The following NBEA variants were observed in gnomAD, a reference collection of about 807,000 sequenced individuals.
The protein encoded by NBEA is neurobeachin.
A neutral mutation model predicts 343.4 loss-of-function variants in NBEA; 44 were observed. The ratio of observed to expected loss-of-function variants is 0.13; its 90% confidence interval spans 0.10 to 0.16. The LOEUF (loss-of-function observed/expected upper bound fraction) is 0.16, where lower values mean the gene tolerates loss of function less well. NBEA is among the 10% of genes least tolerant of loss of function. The pLI, the probability that NBEA is intolerant of heterozygous loss-of-function variation, is 1.00. For synonymous variants in NBEA, 1,175 were observed against 1,238.7 expected, an observed-to-expected ratio of 0.95 and a Z score of 1.08; for missense variants, 2,555 against 3,631.3, an observed-to-expected ratio of 0.70 and a Z score of 7.62.
intron 46 of NBEA, among the ~76,000 whole-genome samples, chr13:35,589,557 A>G (rs1054485812): frequency 3.9e-5 from 6 of 152,146 alleles, no homozygotes; most frequent in African/African-American, 1.4e-4. Flanking sequence ...GAAGAGAAGG[A>G]AAAGAAGAAC....
intron 49 of NBEA, among the ~76,000 whole-genome samples, chr13:35,636,257 A>G (rs1029859844): frequency 6.6e-6 from 1 of 152,206 alleles, no homozygotes; most frequent in Non-Finnish European, 1.5e-5. Flanking sequence ...TTAGATATTT[A>G]GAACTCATTT....
At chr13:35,298,345 A>G (rs1018424654) in intron 35 of NBEA, among the ~76,000 whole-genome samples, 8 of 150,844 alleles carry the variant, frequency 5.3e-5, no homozygotes, top group African/African-American at 1.9e-4. Flanking sequence ...AATGGCAGCT[A>G]ATTATGTGTC....
intron 38 of NBEA, among the ~76,000 whole-genome samples, chr13:35,361,450 CT>C (rs1321783436): frequency 6.6e-6 from 1 of 152,068 alleles, no homozygotes; most frequent in Admixed American, 6.6e-5. Flanking sequence ...AAATGATAAT[CT>C]TTTCAGCAAA....
At chr13:35,554,328 C>G (rs2079482016) in intron 43 of NBEA, among the ~76,000 whole-genome samples, 1 of 152,120 alleles carries the variant, frequency 6.6e-6, no homozygotes, top group Non-Finnish European at 1.5e-5. Flanking sequence ...GTAGCTTTAT[C>G]ATACTTTTCT....
intron 22 of NBEA, among the ~76,000 whole-genome samples, chr13:35,161,007 C>T (rs2069515688): frequency 6.6e-6 from 1 of 152,114 alleles, no homozygotes; most frequent in African/African-American, 2.4e-5. Flanking sequence ...CTTTGTACTC[C>T]AGTAAGAATC....
intron 1 of NBEA, among the ~76,000 whole-genome samples, chr13:34,973,232 G>A (rs2060056246): frequency 1.3e-5 from 2 of 151,882 alleles, no homozygotes; most frequent in African/African-American, 4.8e-5. Context: ...TGTAGGAGGT[G>A]GCTGGAGATC....
At chr13:35,309,917 A>C (rs1264701659) in intron 36 of NBEA, among the ~76,000 whole-genome samples, 1 of 152,150 alleles carries the variant, frequency 6.6e-6, no homozygotes, top group African/African-American at 2.4e-5. Context: ...CTGTTTTCAG[A>C]GCAGTGCTCA....
chr13:35,357,494 A>T (rs1283533245), intron 38 of NBEA, among the ~76,000 whole-genome samples: 1 of 151,588 alleles, frequency 6.6e-6, no homozygotes. Context: ...GTTCCCCTCT[A>T]TATGTCCATG....
In NBEA at chr13:35,186,168, G is replaced by C. The variant is rs553615362; in HGVS notation, c.4927+2097G>C. ...AAAATTAAAAAATTAACCAGGCATG[G>C]TGGCATGTGCCTGTAGTCCCAGCTA... On this transcript the variant is annotated intron_variant, in intron 30 of 58. Coordinates refer to ENST00000379939, the MANE Select transcript of NBEA (RefSeq NM_001385012.1). 2.0e-5 allele frequency: 3 copies of C among 152,268 alleles called. No homozygotes were observed. The South Asian group carries it at 6.2e-4, about 32-fold the overall frequency. 9.4% of individuals were successfully genotyped at this position (152,268 alleles called of 1,614,324 possible).
At chr13:35,287,209 A>G (rs1201538764) in intron 34 of NBEA, among the ~76,000 whole-genome samples, 1 of 151,968 alleles carries the variant, frequency 6.6e-6, no homozygotes, top group Non-Finnish European at 1.5e-5. Context: ...TCTGGTTAGA[A>G]TATTTATTCC....
chr13:35,031,242 T>A (rs941591188), intron 1 of NBEA, among the ~76,000 whole-genome samples: 4 of 151,684 alleles, frequency 2.6e-5, no homozygotes, highest in Admixed American at 6.6e-5. Flanking sequence ...TTTTCTGAGT[T>A]ACCAATCACT....
intron 34 of NBEA, among the ~76,000 whole-genome samples, chr13:35,260,714 G>T (rs1225474029): frequency 6.6e-6 from 1 of 152,172 alleles, no homozygotes; most frequent in African/African-American, 2.4e-5. Context: ...AATTCCACAA[G>T]ACTGGGTAAA....
At position 35,090,456 on chromosome 13, in the gene NBEA, T is replaced by C. The variant is rs78601734; in HGVS notation, c.1572-7841T>C. Among the ~76,000 whole-genome samples the C allele has an allele frequency of 8.7e-3, 1,330 of 152,106 alleles. 23 individuals are homozygous for C. Among genetic ancestry groups the C allele is most frequent in the African/African-American group, 0.03 (1,255 of 41,514 alleles). On this transcript the variant is annotated intron_variant, in intron 10 of 58. Transcript: ENST00000379939. The stretch of plus-strand genomic sequence containing the variant: ...TTAATAACAAACATTGTCTCTAGCA[T>C]ACTTGGTTTCTTAGCTGGTAAAATT...
chr13:35,439,841 A>G (rs922411834), intron 39 of NBEA, among the ~76,000 whole-genome samples: 1 of 151,914 alleles, frequency 6.6e-6, no homozygotes, highest in African/African-American at 2.4e-5. Context: ...CTTATTACTC[A>G]GTTGCTATTT....
chr13:35,507,684 T>A (rs187156483), intron 41 of NBEA, among the ~76,000 whole-genome samples: 2 of 152,196 alleles, frequency 1.3e-5, no homozygotes, highest in African/African-American at 4.8e-5. Flanking sequence ...CAAGTCACAT[T>A]ATCTCTACTT....
intron 4 of NBEA, among the ~76,000 whole-genome samples, chr13:35,046,699 A>G (rs1367760794): frequency 6.6e-6 from 1 of 152,140 alleles, no homozygotes; most frequent in Non-Finnish European, 1.5e-5. Context: ...AACTTTTGTG[A>G]GTGTTGTGTC....
chr13:35,212,298 A>C (rs192883510), intron 33 of NBEA, among the ~76,000 whole-genome samples: 15 of 152,208 alleles, frequency 9.9e-5, no homozygotes, highest in Non-Finnish European at 1.9e-4. Context: ...TTTGTTCAAC[A>C]TTATTTTTAT....
At position 35,196,063 on chromosome 13, in the gene NBEA, C is replaced by T. The variant is rs370491859; in HGVS notation, c.5127C>T (p.Ser1709=). 2.4e-5 allele frequency: 38 copies of T among 1,613,420 alleles called. No homozygotes were observed. The highest frequency in any genetic ancestry group is 3.3e-4 in the Middle Eastern group (2 of 6,082). ...GTGAACTCTTATCCACTTTGTCATCCGAAGTGAAGAAATCACAAGAGAGCT... is the reference window on the plus strand; with the variant it reads ...GTGAACTCTTATCCACTTTGTCATCTGAAGTGAAGAAATCACAAGAGAGCT... ...AMSELLSTLS[S]EVKKSQESLT... Residue 1709 remains serine (S), a synonymous_variant, in exon 31 of 59, where the codon TCC becomes TCT. Coordinates refer to ENST00000379939, the MANE Select transcript of NBEA (RefSeq NM_001385012.1).
Position 35,293,146 on chromosome 13 carries a change from G to A in NBEA, c.5838+2696G>A, listed in dbSNP as rs79169337. ...TGCCCAAAATATGGTCTAAATTTACGTGAGATCATATTACAAGTGTCTGAA... is the reference window on the plus strand; with the variant it reads ...TGCCCAAAATATGGTCTAAATTTACATGAGATCATATTACAAGTGTCTGAA... On this transcript the variant is annotated intron_variant, in intron 35 of 58. Transcript: ENST00000379939. 1.5e-3 allele frequency among the ~76,000 whole-genome samples: 221 copies of A among 151,890 alleles called. 1 individual carries two copies. Among genetic ancestry groups the A allele is most frequent in the African/African-American group, 4.9e-3 (204 of 41,506 alleles).
Sources: gnomAD v4.1 joint callset for allele counts (sites outside exome capture counted in the v4.1 genomes callset) on GRCh38, gnomAD v4.1.1 for gene constraint, MANE v1.5 for transcripts, NCBI Gene and HGNC (gene_info 2026-07-23, HGNC 2026-07-21) for gene names.